Variants in PPARGC1B observed in about 807,000 individuals in gnomAD.
PPARGC1B encodes peroxisome proliferator-activated receptor gamma coactivator 1-beta.
PPARGC1B carries 34 observed loss-of-function variants against 101.6 expected under a neutral mutation model. The observed-to-expected ratio is 0.33, with a 90% CI of 0.25 to 0.45. The LOEUF (loss-of-function observed/expected upper bound fraction) is 0.45. PPARGC1B is among the 20% of genes least tolerant of loss of function. The pLI, the probability that PPARGC1B is intolerant of heterozygous loss-of-function variation, is 1.00. For missense variants in PPARGC1B, 1,234 were observed against 1,317.6 expected (o/e 0.94, Z 0.98); for synonymous variants, 548 against 539.3 (o/e 1.02, Z -0.22).
At chr5:149,746,006 G>A (rs924908075) in intron 1 of PPARGC1B, among the ~76,000 whole-genome samples, 1 of 152,172 alleles carries the variant, frequency 6.6e-6, no homozygotes, top group African/African-American at 2.4e-5. Flanking sequence ...GATCAGAGGG[G>A]TGCTGGTCAT....
intron 1 of PPARGC1B, among the ~76,000 whole-genome samples, chr5:149,755,052 C>CATATACATATATATATATATATATATAT (rs1360005539): frequency 9.2e-6 from 1 of 108,954 alleles, no homozygotes; most frequent in African/African-American, 3.8e-5. Context: ...TATACATATA[C>CATATACATATATATATATATATATATAT]ATATATATAT....
At chr5:149,823,737 G>C (rs1001111188) in intron 2 of PPARGC1B, among the ~76,000 whole-genome samples, 1 of 152,190 alleles carries the variant, frequency 6.6e-6, no homozygotes, top group Admixed American at 6.5e-5. Flanking sequence ...CAGGCTCAGA[G>C]CTTCCTGCCC....
At chr5:149,846,215 C>T (rs1476432324) in intron 11 of PPARGC1B, 2 of 563,890 alleles carry the variant, frequency 3.5e-6, no homozygotes, top group African/African-American at 3.7e-5. Flanking sequence ...TGGCTACGGT[C>T]TCCTTGACTT....
At position 149,853,635 on chromosome 5, in the gene PPARGC1B, T is replaced by C. The variant is rs191033238; in HGVS notation, c.*6077T>C. On this transcript the variant is annotated 3_prime_UTR_variant, in exon 12 of 12. Coordinates refer to ENST00000309241, the MANE Select transcript of PPARGC1B (RefSeq NM_133263.4). The surrounding 1 kb of genome is among the most constrained non-coding windows in gnomAD (Gnocchi z 4.2). ...TTGATATGATCCCCGAATAGCCAAA[T>C]AGTTTTTTTTGTTCAATTTTTTGTT... 5 of 152,354 alleles carry C rather than the reference T, an allele frequency of 3.3e-5. No individual in the cohort carries two copies. The highest frequency in any genetic ancestry group is 2.0e-4 in the Admixed American group (3 of 15,312). 9.4% of individuals were successfully genotyped at this position (152,354 alleles called of 1,614,324 possible). A position where few individuals can be genotyped will look rare whatever the true frequency, so the allele number is the denominator to read the frequency against.
intron 1 of PPARGC1B, among the ~76,000 whole-genome samples, chr5:149,731,168 A>G (rs992139446): frequency 1.3e-5 from 2 of 151,974 alleles, no homozygotes; most frequent in African/African-American, 4.8e-5. Flanking sequence ...GCGGAGTCCC[A>G]GGCACTGGCT....
At chr5:149,735,463 C>T (rs939240766) in intron 1 of PPARGC1B, among the ~76,000 whole-genome samples, 13 of 152,168 alleles carry the variant, frequency 8.5e-5, no homozygotes, top group Non-Finnish European at 1.8e-4. Context: ...CTTGGAAATG[C>T]CTAACAAGAA....
At chr5:149,747,306 C>G (rs1755125796) in intron 1 of PPARGC1B, among the ~76,000 whole-genome samples, 1 of 152,142 alleles carries the variant, frequency 6.6e-6, no homozygotes, top group Non-Finnish European at 1.5e-5. Context: ...AACTTCATTC[C>G]TTCGCATAAC....
chr5:149,825,659 G>C (rs993999374), intron 2 of PPARGC1B, among the ~76,000 whole-genome samples: 1 of 152,164 alleles, frequency 6.6e-6, no homozygotes, highest in Non-Finnish European at 1.5e-5. Flanking sequence ...TTGTTTGTTA[G>C]TTTCGTCCCA....
Position 149,852,580 on chromosome 5 carries a change from A to G in PPARGC1B, c.*5022A>G, listed in dbSNP as rs1411527112. 6.6e-6 allele frequency: 1 copy of G among 152,096 alleles called. No homozygotes were observed. Among genetic ancestry groups the G allele is most frequent in the Non-Finnish European group, 1.5e-5 (1 of 68,020 alleles). 9.4% of individuals were successfully genotyped at this position (152,096 alleles called of 1,614,324 possible). A position where few individuals can be genotyped will look rare whatever the true frequency, so the allele number is the denominator to read the frequency against. ...GGGGACAGTAAGGAATTAAACCCCC[A>G]ACTTGGCTAGGTAACGATGTCAAAT... is the stretch of plus-strand genomic sequence containing the variant. On this transcript the variant is annotated 3_prime_UTR_variant, in exon 12 of 12. Coordinates refer to ENST00000309241, the MANE Select transcript of PPARGC1B (RefSeq NM_133263.4).
downstream of PPARGC1B, among the ~76,000 whole-genome samples, chr5:149,856,788 T>G (rs1056607780): frequency 6.9e-6 from 1 of 144,218 alleles, no homozygotes; most frequent in African/African-American, 2.7e-5. Flanking sequence ...TTTTTTTTTT[T>G]GTGATGGAGT....
At chr5:149,778,063 TCACACACACACA>T (rs1219646323) in intron 1 of PPARGC1B, among the ~76,000 whole-genome samples, 1 of 11,900 alleles carries the variant, frequency 8.4e-5, no homozygotes, top group African/African-American at 6.7e-4. Flanking sequence ...TAGCAGCATC[TCACACACACACA>T]CACACACACA....
At chr5:149,800,751 G>C (rs559855722) in intron 1 of PPARGC1B, among the ~76,000 whole-genome samples, 3 of 152,342 alleles carry the variant, frequency 2.0e-5, no homozygotes, top group African/African-American at 7.2e-5. Flanking sequence ...GTGACATTTG[G>C]AGAGAAGAGG....
chr5:149,750,560 C>G (rs1448318026), intron 1 of PPARGC1B, among the ~76,000 whole-genome samples: 1 of 150,534 alleles, frequency 6.6e-6, no homozygotes, highest in Non-Finnish European at 1.5e-5. Context: ...GCTGTGGGTG[C>G]TCTTTGAGGT....
intron 1 of PPARGC1B, among the ~76,000 whole-genome samples, chr5:149,790,275 G>A (rs986210308): frequency 6.6e-6 from 1 of 152,104 alleles, no homozygotes; most frequent in African/African-American, 2.4e-5. Context: ...AGAATCTTTT[G>A]GCAGCATCAT....
At chr5:149,795,480 C>A (rs1382559224) in intron 1 of PPARGC1B, among the ~76,000 whole-genome samples, 1 of 152,162 alleles carries the variant, frequency 6.6e-6, no homozygotes, top group Non-Finnish European at 1.5e-5. Flanking sequence ...TGGAGAATTA[C>A]CTAAGAGAGG....
chr5:149,803,619 G>A (rs748636215), intron 1 of PPARGC1B, among the ~76,000 whole-genome samples: 17 of 152,160 alleles, frequency 1.1e-4, no homozygotes, highest in Non-Finnish European at 1.6e-4. Context: ...TGGCAATCAA[G>A]CATCTGATTT....
At chr5:149,781,862 T>C (rs950777887) in intron 1 of PPARGC1B, among the ~76,000 whole-genome samples, 8 of 152,210 alleles carry the variant, frequency 5.3e-5, no homozygotes, top group Non-Finnish European at 1.0e-4. Context: ...TGACAGCTAC[T>C]AATAACCCTG....
At chr5:149,821,851 T>C (rs989451606) in intron 2 of PPARGC1B, among the ~76,000 whole-genome samples, 4 of 152,184 alleles carry the variant, frequency 2.6e-5, no homozygotes, top group Non-Finnish European at 4.4e-5. Flanking sequence ...AAGGCCTCTC[T>C]GAGGAAGAGA....
chr5:149,795,704 A>T (rs1757186513), intron 1 of PPARGC1B, among the ~76,000 whole-genome samples: 2 of 152,148 alleles, frequency 1.3e-5, no homozygotes, highest in African/African-American at 2.4e-5. Context: ...GAGGCCTGGG[A>T]TACTGTCACC....
Sources: allele counts gnomAD v4.1 joint callset (sites outside exome capture counted in the v4.1 genomes callset), GRCh38; gene constraint gnomAD v4.1.1; non-coding constraint Gnocchi (gnomAD v3.1); transcripts MANE v1.5; gene names NCBI Gene and HGNC (gene_info 2026-07-23, HGNC 2026-07-21).